Variants in STARD8 observed in about 807,000 individuals in gnomAD.
STARD8 encodes the protein StAR related lipid transfer domain containing 8.
STARD8 carries 25 observed loss-of-function variants against 69.4 expected under a neutral mutation model. The observed-to-expected ratio is 0.36, with a 90% CI of 0.26 to 0.50. STARD8 has a LOEUF of 0.50. Ranked by LOEUF, STARD8 falls within the 20% of genes least tolerant of loss-of-function variation. STARD8 has a pLI of 0.96. For synonymous variants in STARD8, 389 were observed against 374.6 expected, an observed-to-expected ratio of 1.04 and a Z score of -0.45; for missense variants, 921 against 932.5, an observed-to-expected ratio of 0.99 and a Z score of 0.16.
chrX:68,683,215 G>C (rs757986876), intron 2 of STARD8, among the ~76,000 whole-genome samples: 7 of 102,248 alleles, frequency 6.8e-5, no homozygotes, highest in Non-Finnish European at 1.3e-4. Flanking sequence ...GGTGGAGGTA[G>C]GTAGGTAAGA....
rs2147940542 is a variant in STARD8 at position 68,722,170 on chromosome X, C to A, written c.2574+9C>A. 1 of 1,184,457 alleles carries A rather than the reference C, an allele frequency of 8.4e-7. No individual in the cohort carries two copies. The highest frequency in any genetic ancestry group is 1.1e-6 in the Non-Finnish European group (1 of 874,800). ...GCAAGAAACTTTTCCAGGTGAGTAACCCCAGGCCATGACACCTACTTACCA... is the reference window on the plus strand; with the variant it reads ...GCAAGAAACTTTTCCAGGTGAGTAAACCCAGGCCATGACACCTACTTACCA... On this transcript the variant is annotated intron_variant, in intron 11 of 14. Transcript: ENST00000374599.
At chrX:68,705,169 C>T (rs1396387662) in intron 2 of STARD8, among the ~76,000 whole-genome samples, 1 of 112,553 alleles carries the variant, frequency 8.9e-6, no homozygotes, top group African/African-American at 3.2e-5. Flanking sequence ...GGCAAGAAAA[C>T]TAATGGAGCA....
chrX:68,724,009 C>G lies in STARD8; in HGVS notation c.3082C>G (p.Gln1028Glu), dbSNP rs150722287. ...TGTCTCCCAGTCCCTGGATCCGGAA[C>G]AACCTGTGCCAGAGTCGGGTGTGCG... ...LLVSQSLDPE[Q>E]PVPESGVRAL... Residue 1028 changes from glutamine to glutamate, a missense_variant, in exon 14 of 15, where the codon CAA (glutamine) becomes GAA (glutamate). Coordinates refer to ENST00000374599, the MANE Select transcript of STARD8 (RefSeq NM_001142503.3). 1 of 1,212,242 alleles carries G rather than the reference C, an allele frequency of 8.2e-7. No individual in the cohort carries two copies. Among genetic ancestry groups the G allele is most frequent in the Admixed American group, 2.2e-5 (1 of 46,132 alleles).
rs183660038 is a variant in STARD8 at position 68,714,972 on chromosome X, C to A, written c.152-322C>A. Among the ~76,000 whole-genome samples, 16 of 111,795 alleles carry A rather than the reference C, an allele frequency of 1.4e-4. No homozygotes were observed. The East Asian group carries it at 4.6e-3, about 32-fold the overall frequency. On this transcript the variant is annotated intron_variant, in intron 3 of 14. Coordinates refer to ENST00000374599, the MANE Select transcript of STARD8 (RefSeq NM_001142503.3). Reference sequence around the variant, plus strand: ...CCAAGGAGAAGTTTCCCTGCCTGAGCAGCCCAGGATTCAAAGGGGAATGGG... The same window carrying A: ...CCAAGGAGAAGTTTCCCTGCCTGAGAAGCCCAGGATTCAAAGGGGAATGGG...
intron 2 of STARD8, among the ~76,000 whole-genome samples, chrX:68,686,099 G>A (rs1309031313): frequency 8.9e-6 from 1 of 111,988 alleles, no homozygotes; most frequent in Non-Finnish European, 1.9e-5. Context: ...GGAATCAGTG[G>A]AGGGAAAACT....
intron 1 of STARD8, among the ~76,000 whole-genome samples, chrX:68,651,709 T>A (rs1407128623): frequency 9.0e-6 from 1 of 110,539 alleles, no homozygotes; most frequent in African/African-American, 3.3e-5. Flanking sequence ...AAACTTGGGT[T>A]TCAATTCCAC....
chrX:68,653,054 C>CCCCAA (rs2079570016), intron 1 of STARD8, among the ~76,000 whole-genome samples: 1 of 27,818 alleles, frequency 3.6e-5, no homozygotes, highest in Non-Finnish European at 6.8e-5. Context: ...CATCACACAC[C>CCCCAA]ACACACACCA....
chrX:68,661,095 C>G (rs756184135), intron 1 of STARD8, among the ~76,000 whole-genome samples: 7 of 111,298 alleles, frequency 6.3e-5, no homozygotes, highest in African/African-American at 2.3e-4. Context: ...AGAGGTGGGG[C>G]AGAGAAACCA....
At chrX:68,684,167 G>A (rs1438928732) in intron 2 of STARD8, among the ~76,000 whole-genome samples, 1 of 112,576 alleles carries the variant, frequency 8.9e-6, no homozygotes, top group Non-Finnish European at 1.9e-5. Flanking sequence ...ATTATCTGGA[G>A]GAGAAACTTG....
intron 1 of STARD8, among the ~76,000 whole-genome samples, chrX:68,650,038 T>C (rs968314102): frequency 9.0e-6 from 1 of 111,239 alleles, no homozygotes; most frequent in Non-Finnish European, 1.9e-5. Context: ...CTGTTCTAGG[T>C]GCTTGGCATG....
At chrX:68,659,871 T>C (rs2079633450) in intron 1 of STARD8, among the ~76,000 whole-genome samples, 1 of 111,246 alleles carries the variant, frequency 9.0e-6, no homozygotes, top group Non-Finnish European at 1.9e-5. Flanking sequence ...GGAAAGGATG[T>C]CCTGGCAGCA....
intron 1 of STARD8, among the ~76,000 whole-genome samples, chrX:68,657,123 A>G (rs973785118): frequency 8.9e-6 from 1 of 112,227 alleles, no homozygotes; most frequent in Non-Finnish European, 1.9e-5. Flanking sequence ...GTTAATATGT[A>G]TAAAGCTCTT....
Position 68,720,948 on chromosome X carries a change from G to T in STARD8, c.2074G>T (p.Val692Phe), listed in dbSNP as rs1222787677. 8.3e-7 allele frequency: 1 copy of T among 1,211,249 alleles called. No individual in the cohort carries two copies. Among genetic ancestry groups the T allele is most frequent in the Admixed American group, 2.2e-5 (1 of 46,011 alleles). ...DQVGIFRKSG[V>F]KSRIQNLRQM... ...GGTAGGCATCTTCCGCAAGTCTGGG[G>T]TCAAGTCCAGGATCCAGAACCTGCG... Residue 692 changes from valine (V) to phenylalanine (F), a missense_variant, in exon 9 of 15, where the codon GTC (valine) becomes TTC (phenylalanine). Val to Phe is a conservative substitution (Grantham distance 50). Transcript: ENST00000374599.
At chrX:68,679,877 T>C (rs1032403774) in intron 2 of STARD8, among the ~76,000 whole-genome samples, 1 of 111,942 alleles carries the variant, frequency 8.9e-6, no homozygotes, top group Admixed American at 9.4e-5. Flanking sequence ...CCTCCAGGGT[T>C]CTGGGATGGC....
At chrX:68,701,254 A>G (rs1445153022) in intron 2 of STARD8, among the ~76,000 whole-genome samples, 2 of 112,959 alleles carry the variant, frequency 1.8e-5, no homozygotes, top group Non-Finnish European at 3.7e-5. Context: ...TTTAGCATTC[A>G]TGGCAATTCC....
intron 1 of STARD8, among the ~76,000 whole-genome samples, chrX:68,658,405 T>C (rs2079623726): frequency 8.9e-6 from 1 of 112,494 alleles, no homozygotes; most frequent in Admixed American, 9.4e-5. Flanking sequence ...CTGTGCTGCA[T>C]TTCTCCACCT....
rs763336127 is a variant in STARD8, at chrX:68,717,339, C to T, written c.425C>T (p.Ala142Val). 8.8e-5 allele frequency: 106 copies of T among 1,204,985 alleles called. No individual in the cohort carries two copies. Among genetic ancestry groups the T allele is most frequent in the South Asian group, 5.2e-4 (29 of 55,917 alleles). ...LLAPPSPGLP[A>V]TSSCESVLTE... is the part of the protein sequence containing the mutation. ...GCCCCACCGAGCCCTGGCCTGCCAGCGACCTCAAGCTGTGAGAGCGTCCTC... is the reference window on the plus strand; with the variant it reads ...GCCCCACCGAGCCCTGGCCTGCCAGTGACCTCAAGCTGTGAGAGCGTCCTC... Residue 142 changes from alanine (A) to valine (V), a missense_variant, in exon 6 of 15, where the codon GCG (alanine) becomes GTG (valine). Transcript: ENST00000374599.
chrX:68,687,419 G>A (rs2079841061), intron 2 of STARD8, among the ~76,000 whole-genome samples: 1 of 111,710 alleles, frequency 9.0e-6, no homozygotes. Flanking sequence ...CTCGAGACTC[G>A]AACTTCTGAG....
At chrX:68,657,589 A>G (rs1459561043) in intron 1 of STARD8, among the ~76,000 whole-genome samples, 1 of 112,147 alleles carries the variant, frequency 8.9e-6, no homozygotes, top group East Asian at 2.8e-4. Context: ...GTTTTAGTTA[A>G]TCTAGAACCT....
Sources: allele counts gnomAD v4.1 joint callset (sites outside exome capture counted in the v4.1 genomes callset), GRCh38; gene constraint gnomAD v4.1.1; transcripts MANE v1.5; gene names NCBI Gene and HGNC (gene_info 2026-07-23, HGNC 2026-07-21).